MED27: variants seen among roughly 807,000 people sequenced by gnomAD.
MED27 encodes the protein mediator of RNA polymerase II transcription subunit 27.
In MED27, 30 loss-of-function variants were observed where a neutral mutation model predicts 38.2. The ratio of observed to expected loss-of-function variants is 0.79; its 90% confidence interval spans 0.59 to 1.07. The LOEUF (loss-of-function observed/expected upper bound fraction) is 1.07. Ranked by LOEUF, MED27 falls within the 50% of genes least tolerant of loss-of-function variation. The probability of loss-of-function intolerance (pLI) is 0.00; values close to 1 mark genes in which losing one functional copy is unlikely to be tolerated. For missense variants in MED27, 289 were observed against 397.5 expected (o/e 0.73, Z 2.32); for synonymous variants, 122 against 153.5 (o/e 0.79, Z 1.52).
rs536114187 is a variant in MED27, at chr9:131,931,927, G to A, written c.573+7454C>T. ...AATTTAACACCCCAATTTCAGCATC[G>A]GACAGATCTTCCAGACAGAAAACCA... is the stretch of plus-strand genomic sequence containing the variant. On this transcript the variant is annotated intron_variant, in intron 4 of 7. Coordinates refer to ENST00000292035, the MANE Select transcript of MED27 (RefSeq NM_004269.4). 2.2e-4 allele frequency among the ~76,000 whole-genome samples: 33 copies of A among 152,104 alleles called. 1 individual carries two copies. Among genetic ancestry groups the A allele is most frequent in the Admixed American group, 1.8e-3 (27 of 15,282 alleles).
chr9:131,866,363 G>A (rs1054346922), intron 6 of MED27, among the ~76,000 whole-genome samples: 2 of 152,224 alleles, frequency 1.3e-5, no homozygotes, highest in South Asian at 4.1e-4. Context: ...CATCTCAAGT[G>A]GTCTTCCAGA....
rs61624043 is a variant in MED27 at position 131,881,800 on chromosome 9, CTTTTTTT to C, written c.723+2251_723+2257del. ...CCTCCCTCCCTTCCTTCTTCTTCTT[CTTTTTTT>C]TTTTTTTTTTTTTTTTTGATGTAGT... On this transcript the variant is annotated intron_variant, in intron 6 of 7. Coordinates refer to ENST00000292035, the MANE Select transcript of MED27 (RefSeq NM_004269.4). 6.6e-4 allele frequency among the ~76,000 whole-genome samples: 40 copies of C among 60,972 alleles called. 1 individual carries two copies. The highest frequency in any genetic ancestry group is 2.1e-3 in the East Asian group (4 of 1,870). 40.0% of individuals were successfully genotyped at this position (60,972 alleles called of 152,430 possible). A position where few individuals can be genotyped will look rare whatever the true frequency, so the allele number is the denominator to read the frequency against.
intron 3 of MED27, among the ~76,000 whole-genome samples, chr9:131,979,418 G>A (rs968241057): frequency 6.8e-6 from 1 of 147,370 alleles, no homozygotes; most frequent in African/African-American, 2.5e-5. Flanking sequence ...ATAGATCTGA[G>A]CAAACATTTT....
At chr9:131,885,820 G>A (rs1396663992) in intron 5 of MED27, among the ~76,000 whole-genome samples, 2 of 152,178 alleles carry the variant, frequency 1.3e-5, no homozygotes, top group African/African-American at 2.4e-5. Flanking sequence ...AGGGCAATGA[G>A]GAAACGAGAA....
chr9:131,912,827 AT>A (rs1163591204), intron 4 of MED27, among the ~76,000 whole-genome samples: 1 of 152,238 alleles, frequency 6.6e-6, no homozygotes, highest in Non-Finnish European at 1.5e-5. Flanking sequence ...GCTAAAAAAA[AT>A]CATTCCATGT....
At chr9:132,023,111 T>C (rs1234133156) in intron 2 of MED27, among the ~76,000 whole-genome samples, 1 of 152,182 alleles carries the variant, frequency 6.6e-6, no homozygotes, top group Non-Finnish European at 1.5e-5. Context: ...CAATACTTTA[T>C]TGGTTTTTCT....
At position 132,036,296 on chromosome 9, in the gene MED27, T is replaced by C. The variant is rs533948475; in HGVS notation, c.349-21829A>G. On this transcript the variant is annotated intron_variant, in intron 2 of 7. Coordinates refer to ENST00000292035, the MANE Select transcript of MED27 (RefSeq NM_004269.4). ...ACAGCTCACTGCAGCCTTTAACTCC[T>C]GGGCTCAAGCTATCCTCCCGCCTCA... Among the ~76,000 whole-genome samples the C allele has an allele frequency of 2.0e-5, 3 of 152,230 alleles. No homozygotes were observed. The South Asian group carries it at 6.2e-4, about 32-fold the overall frequency.
rs573509080 is a variant in MED27 at position 132,054,921 on chromosome 9, T to G, written c.348+22521A>C. 7.2e-5 allele frequency among the ~76,000 whole-genome samples: 11 copies of G among 152,292 alleles called. No homozygotes were observed. The East Asian group carries it at 2.1e-3, about 29-fold the overall frequency. On this transcript the variant is annotated intron_variant, in intron 2 of 7. Transcript: ENST00000292035. ...CTGCCTGTCAGAAGCAGTCACCCTTTGGGGCAGGCCAAAACTCTCCCCTGG... is the reference window on the plus strand; with the variant it reads ...CTGCCTGTCAGAAGCAGTCACCCTTGGGGGCAGGCCAAAACTCTCCCCTGG...
chr9:131,862,953 C>T lies in MED27; in HGVS notation c.801+110G>A, dbSNP rs1435430839. 2.3e-6 allele frequency: 2 copies of T among 860,984 alleles called. No homozygotes were observed. Among genetic ancestry groups the T allele is most frequent in the Non-Finnish European group, 3.7e-6 (2 of 542,088 alleles). The allele number at this position is 860,984 out of a possible 1,614,324, so 53.3% of individuals were successfully genotyped here. A position where few individuals can be genotyped will look rare whatever the true frequency, so the allele number is the denominator to read the frequency against. On this transcript the variant is annotated intron_variant, in intron 7 of 7. Coordinates refer to ENST00000292035, the MANE Select transcript of MED27 (RefSeq NM_004269.4). The surrounding 1 kb of genome is among the most constrained non-coding windows in gnomAD (Gnocchi z 4.6). ...TTTAAACTGGCAGCCCCATCTCCCA[C>T]TGGGAGGCCCTCAAAGTCTGAAGAT...
At chr9:131,881,483 C>T (rs1839039128) in intron 6 of MED27, among the ~76,000 whole-genome samples, 1 of 152,076 alleles carries the variant, frequency 6.6e-6, no homozygotes, top group Non-Finnish European at 1.5e-5. Flanking sequence ...CTATTTTCTT[C>T]ATTACATTTC....
intron 3 of MED27, among the ~76,000 whole-genome samples, chr9:131,957,983 G>A (rs772794192): frequency 3.3e-5 from 5 of 152,020 alleles, no homozygotes; most frequent in Admixed American, 2.0e-4. Context: ...AGTGCAGACT[G>A]GGAGGGGGCA....
intron 3 of MED27, among the ~76,000 whole-genome samples, chr9:131,977,019 C>T (rs1486093011): frequency 6.6e-6 from 1 of 152,218 alleles, no homozygotes; most frequent in Non-Finnish European, 1.5e-5. Flanking sequence ...AGCAGCTGTA[C>T]TACTTTGATG....
chr9:131,958,669 C>T (rs1450086200), intron 3 of MED27, among the ~76,000 whole-genome samples: 1 of 152,240 alleles, frequency 6.6e-6, no homozygotes, highest in Non-Finnish European at 1.5e-5. Context: ...GGGAGGCCAT[C>T]AGCTCCCACC....
At chr9:131,987,954 C>A (rs1191082759) in intron 3 of MED27, among the ~76,000 whole-genome samples, 1 of 152,166 alleles carries the variant, frequency 6.6e-6, no homozygotes, top group East Asian at 1.9e-4. Flanking sequence ...GCTCCAAGGT[C>A]CAATGCAGCA....
chr9:131,860,390 G>A lies in MED27; in HGVS notation c.*148C>T. 1 of 871,952 alleles carries A rather than the reference G, an allele frequency of 1.1e-6. No homozygotes were observed. Among genetic ancestry groups the A allele is most frequent in the Non-Finnish European group, 1.6e-6 (1 of 606,196 alleles). The allele number at this position is 871,952 out of a possible 1,614,324, so 54.0% of individuals were successfully genotyped here. On this transcript the variant is annotated 3_prime_UTR_variant, in exon 8 of 8. Transcript: ENST00000292035. This position sits in a 1 kb window ranked among gnomAD's most constrained non-coding sequence, Gnocchi z 5.8. Reference sequence around the variant, plus strand: ...CACAGAGGGAGTCTGCTCTTCAAGAGTGGCCTCTGCACACATGGCGCTGCT... The same window carrying A: ...CACAGAGGGAGTCTGCTCTTCAAGAATGGCCTCTGCACACATGGCGCTGCT...
At chr9:131,904,549 C>G (rs9411414) in intron 4 of MED27, among the ~76,000 whole-genome samples, 2 of 146,840 alleles carry the variant, frequency 1.4e-5, no homozygotes, top group South Asian at 2.2e-4. Flanking sequence ...CGGGGGGGAG[C>G]GGTCTCACTA....
intron 3 of MED27, among the ~76,000 whole-genome samples, chr9:131,958,105 T>A (rs1831142446): frequency 6.6e-6 from 1 of 152,144 alleles, no homozygotes; most frequent in South Asian, 2.1e-4. Flanking sequence ...TGTACATTCA[T>A]AAACATAAAA....
At chr9:132,040,036 C>T (rs1268480745) in intron 2 of MED27, among the ~76,000 whole-genome samples, 1 of 152,132 alleles carries the variant, frequency 6.6e-6, no homozygotes, top group Non-Finnish European at 1.5e-5. Flanking sequence ...ACAATATTCC[C>T]CTTTCACATA....
chr9:131,984,362 T>C (rs577237290), intron 3 of MED27, among the ~76,000 whole-genome samples: 39 of 152,280 alleles, frequency 2.6e-4, no homozygotes, highest in African/African-American at 8.4e-4. Context: ...TCAGGGCTCC[T>C]AGAACAGTGC....
Sources: gnomAD v4.1 joint callset for allele counts (sites outside exome capture counted in the v4.1 genomes callset) on GRCh38, gnomAD v4.1.1 for gene constraint, Gnocchi (gnomAD v3.1) non-coding constraint, MANE v1.5 for transcripts, NCBI Gene and HGNC (gene_info 2026-07-23, HGNC 2026-07-21) for gene names.